PHLDB2: variants seen among roughly 807,000 people sequenced by gnomAD.
PHLDB2 encodes the protein pleckstrin homology like domain family B member 2, also known as pleckstrin homology-like domain family B member 2.
In PHLDB2, 71 loss-of-function variants were observed where a neutral mutation model predicts 123.6. The observed-to-expected ratio is 0.57, with a 90% confidence interval of 0.47 to 0.70. The LOEUF (loss-of-function observed/expected upper bound fraction) is 0.70, where lower values mean the gene tolerates loss of function less well. Ranked by LOEUF, PHLDB2 falls within the 30% of genes least tolerant of loss-of-function variation. The pLI, the probability that PHLDB2 is intolerant of heterozygous loss-of-function variation, is 0.00. For missense variants in PHLDB2, 1,446 were observed against 1,519.5 expected, an observed-to-expected ratio of 0.95 and a Z score of 0.80; for synonymous variants, 547 against 541.6, an observed-to-expected ratio of 1.01 and a Z score of -0.14.
rs771989995 is a variant in PHLDB2, at chr3:111,939,432, A to G, written c.2131-43A>G. 10 of 1,563,918 alleles carry G rather than the reference A, an allele frequency of 6.4e-6. No individual in the cohort carries two copies. The African/African-American group carries it at 1.4e-4, about 22-fold the overall frequency. ...TGTTTCTTCACATTAAGAAGGTGGT[A>G]GTTATCTCAGTGTGTCTTGTTTTCA... On this transcript the variant is annotated intron_variant, in intron 6 of 17. Transcript: ENST00000431670.
rs970204056 is a variant in PHLDB2, at chr3:111,821,721, C to T, written c.-48-24100C>T. On this transcript the variant is annotated intron_variant, in intron 1 of 17. Coordinates refer to the PHLDB2 transcript ENST00000393923. ...GTACCATGATGTAGTCAAGGTGACACACAAAATTAACCATCACCAGCTCCA... is the reference window on the plus strand; with the variant it reads ...GTACCATGATGTAGTCAAGGTGACATACAAAATTAACCATCACCAGCTCCA... Among the ~76,000 whole-genome samples, 6 of 152,288 alleles carry T rather than the reference C, an allele frequency of 3.9e-5. No individual in the cohort carries two copies. The East Asian group carries it at 1.2e-3, about 29-fold the overall frequency.
Position 111,859,363 on chromosome 3 carries a change from G to A in PHLDB2, c.-228G>A. On this transcript the variant is annotated 5_prime_UTR_variant, in exon 1 of 18. Transcript: ENST00000431670. ...GCCGTGAAAGCCCCAACAGCAAACT[G>A]CCTGGGAGCGGGGCAGGTCACCAAC... 1.0e-6 allele frequency: 1 copy of A among 985,696 alleles called. No homozygotes were observed. Among genetic ancestry groups the A allele is most frequent in the Non-Finnish European group, 1.2e-6 (1 of 830,124 alleles). 61.1% of individuals were successfully genotyped at this position (985,696 alleles called of 1,614,324 possible). A position where few individuals can be genotyped will look rare whatever the true frequency, so the allele number is the denominator to read the frequency against.
intron 3 of PHLDB2, chr3:111,917,218 C>T (rs564852852): frequency 8.5e-5 from 13 of 152,270 alleles, no homozygotes; most frequent in Admixed American, 1.3e-4. Context: ...TAAACAGACT[C>T]TTAAGTTGTC....
At chr3:111,964,820 A>C (rs984450869) in intron 13 of PHLDB2, among the ~76,000 whole-genome samples, 1 of 152,146 alleles carries the variant, frequency 6.6e-6, no homozygotes, top group African/African-American at 2.4e-5. Context: ...ATAAACATTG[A>C]CTATATGAAA....
At chr3:111,838,047 TAACAACAAC>T (rs11468665) in intron 1 of PHLDB2, among the ~76,000 whole-genome samples, 7 of 151,026 alleles carry the variant, frequency 4.6e-5, no homozygotes, top group South Asian at 2.1e-4. Context: ...GTCTCAAAAA[TAACAACAAC>T]AACAACAACA....
chr3:111,911,054 T>G (rs1481781383), intron 2 of PHLDB2, among the ~76,000 whole-genome samples: 3 of 152,218 alleles, frequency 2.0e-5, no homozygotes. Flanking sequence ...ATAGCATTCA[T>G]CTTAAGGCTG....
At chr3:111,761,314 C>T (rs1232947454) in intron 1 of PHLDB2, among the ~76,000 whole-genome samples, 1 of 151,842 alleles carries the variant, frequency 6.6e-6, no homozygotes, top group East Asian at 1.9e-4. Flanking sequence ...TAATTTGAAG[C>T]TAATCATCCA....
At chr3:111,782,374 A>G (rs541719699) in intron 1 of PHLDB2, among the ~76,000 whole-genome samples, 2 of 152,234 alleles carry the variant, frequency 1.3e-5, no homozygotes, top group African/African-American at 4.8e-5. Flanking sequence ...CAAAATATAA[A>G]GCGAGGATAG....
At chr3:111,742,465 C>G (rs915746117) in intron 1 of PHLDB2, among the ~76,000 whole-genome samples, 1 of 152,096 alleles carries the variant, frequency 6.6e-6, no homozygotes, top group Non-Finnish European at 1.5e-5. Flanking sequence ...CCCTCCTCCC[C>G]CCACCCCACA....
At chr3:111,759,250 C>T (rs1559816675) in intron 1 of PHLDB2, among the ~76,000 whole-genome samples, 1 of 152,046 alleles carries the variant, frequency 6.6e-6, no homozygotes, top group African/African-American at 2.4e-5. Context: ...ACAATTAAGA[C>T]ACCAGCAGAT....
chr3:111,970,299 A>G (rs1461009044), intron 16 of PHLDB2, among the ~76,000 whole-genome samples: 2 of 152,198 alleles, frequency 1.3e-5, no homozygotes, highest in Non-Finnish European at 2.9e-5. Flanking sequence ...GAAACATCAC[A>G]ATATCATACT....
intron 3 of PHLDB2, chr3:111,914,021 T>C (rs552667240): frequency 9.0e-5 from 28 of 310,324 alleles, no homozygotes; most frequent in African/African-American, 5.7e-4. Flanking sequence ...CCTGCCTTCC[T>C]AATATTTTCT....
chr3:111,735,817 A>G (rs1941668854), intron 1 of PHLDB2, among the ~76,000 whole-genome samples: 1 of 152,188 alleles, frequency 6.6e-6, no homozygotes, highest in African/African-American at 2.4e-5. Context: ...AATTTTCATA[A>G]CAAACCTCTG....
intron 1 of PHLDB2, among the ~76,000 whole-genome samples, chr3:111,843,498 C>T (rs1406127512): frequency 6.6e-6 from 1 of 152,210 alleles, no homozygotes; most frequent in East Asian, 1.9e-4. Context: ...TCAAGCCATC[C>T]TCCTGCCTCA....
At chr3:111,754,152 T>G (rs577240923) in intron 1 of PHLDB2, among the ~76,000 whole-genome samples, 2 of 151,882 alleles carry the variant, frequency 1.3e-5, no homozygotes, top group African/African-American at 4.8e-5. Flanking sequence ...TGGTTCCATA[T>G]GAAATTTAAA....
intron 1 of PHLDB2, among the ~76,000 whole-genome samples, chr3:111,835,105 T>C (rs1266682133): frequency 1.3e-5 from 2 of 152,176 alleles, no homozygotes; most frequent in Non-Finnish European, 2.9e-5. Flanking sequence ...AGATTTACCA[T>C]GAGCCTCTCA....
intron 2 of PHLDB2, among the ~76,000 whole-genome samples, chr3:111,890,761 G>T (rs2066434355): frequency 1.3e-5 from 2 of 152,088 alleles, no homozygotes; most frequent in Admixed American, 1.3e-4. Context: ...GCCTATTAAT[G>T]AGGTAAATAA....
At position 111,967,607 on chromosome 3, in the gene PHLDB2, T is replaced by C. The variant is rs549427005; in HGVS notation, c.3169-71T>C. 2.7e-5 allele frequency: 38 copies of C among 1,432,748 alleles called. No homozygotes were observed. In the Middle Eastern group the frequency reaches 7.4e-4, roughly 28 times the overall value. 88.8% of individuals were successfully genotyped at this position (1,432,748 alleles called of 1,614,324 possible). On this transcript the variant is annotated intron_variant, in intron 14 of 17. Transcript: ENST00000431670. ...ATTTGTCTAGTAAGAATTGTCTTTT[T>C]TATATTGATTGGAACCATTCAAGTA...
chr3:111,753,511 G>A (rs2059823329), intron 1 of PHLDB2, among the ~76,000 whole-genome samples: 2 of 150,088 alleles, frequency 1.3e-5, no homozygotes, highest in South Asian at 4.2e-4. Context: ...TTTTTTTCTT[G>A]TAAATTTGTT....
Sources: allele counts gnomAD v4.1 joint callset (sites outside exome capture counted in the v4.1 genomes callset), GRCh38; gene constraint gnomAD v4.1.1; transcripts MANE v1.5; gene names NCBI Gene and HGNC (gene_info 2026-07-23, HGNC 2026-07-21).